Variants in HOOK3 observed in about 807,000 individuals in gnomAD.
HOOK3 encodes the protein protein Hook homolog 3.
A neutral mutation model predicts 116.3 loss-of-function variants in HOOK3; 24 were observed. The observed-to-expected ratio is 0.21, with a 90% confidence interval of 0.15 to 0.29. HOOK3 has a LOEUF of 0.29. Ranked by LOEUF, HOOK3 falls within the 10% of genes least tolerant of loss-of-function variation. HOOK3 has a pLI of 1.00. For synonymous variants in HOOK3, 275 were observed against 283.0 expected, an observed-to-expected ratio of 0.97 and a Z score of 0.28; for missense variants, 632 against 830.2, an observed-to-expected ratio of 0.76 and a Z score of 2.93.
chr8:42,988,251 G>A (rs1809085650), intron 15 of HOOK3, among the ~76,000 whole-genome samples: 2 of 152,160 alleles, frequency 1.3e-5, no homozygotes, highest in Admixed American at 1.3e-4. Flanking sequence ...AGGAGATTGC[G>A]GGAGCAGCTG....
At chr8:42,969,080 A>G (rs762758507) in intron 11 of HOOK3, among the ~76,000 whole-genome samples, 2 of 151,744 alleles carry the variant, frequency 1.3e-5, no homozygotes, top group Non-Finnish European at 2.9e-5. Context: ...AAATTTATCT[A>G]TTTTCCTGTT....
rs953764401 is a variant in HOOK3 at position 42,943,553 on chromosome 8, G to A, written c.400+108G>A. Reference sequence around the variant, plus strand: ...GTACCAACAGTAACATCTGTTTAAGGTCACCCCCAAAGAATGCCATTTTCT... The same window carrying A: ...GTACCAACAGTAACATCTGTTTAAGATCACCCCCAAAGAATGCCATTTTCT... On this transcript the variant is annotated intron_variant, in intron 5 of 21. Coordinates refer to ENST00000307602, the MANE Select transcript of HOOK3 (RefSeq NM_032410.4). 5.8e-6 allele frequency: 4 copies of A among 691,572 alleles called. No individual in the cohort carries two copies. The South Asian group carries it at 1.9e-4, about 34-fold the overall frequency. The allele number at this position is 691,572 out of a possible 1,614,324, so 42.8% of individuals were successfully genotyped here.
chr8:42,911,688 A>G (rs540247381), intron 2 of HOOK3, among the ~76,000 whole-genome samples: 1 of 152,306 alleles, frequency 6.6e-6, no homozygotes, highest in South Asian at 2.1e-4. Context: ...GTGGACTCAA[A>G]ATGGTATATA....
rs1025811302 is a variant in HOOK3, at chr8:43,019,790, T to C, written c.*1292T>C. On this transcript the variant is annotated 3_prime_UTR_variant, in exon 22 of 22. Coordinates refer to ENST00000307602, the MANE Select transcript of HOOK3 (RefSeq NM_032410.4). ...CCTTCTAACTTTCCATATTGACTTA[T>C]GTATTTGGTCCCAAATTATATTTAA... 1 of 205,332 alleles carries C rather than the reference T, an allele frequency of 4.9e-6. No individual in the cohort carries two copies. Among genetic ancestry groups the C allele is most frequent in the Non-Finnish European group, 1.0e-5 (1 of 100,454 alleles). 12.7% of individuals were successfully genotyped at this position (205,332 alleles called of 1,614,324 possible).
At chr8:42,961,236 T>G (rs1353402815) in intron 8 of HOOK3, among the ~76,000 whole-genome samples, 2 of 152,228 alleles carry the variant, frequency 1.3e-5, no homozygotes, top group East Asian at 3.8e-4. Context: ...GGGATAAATA[T>G]CCAAACCATA....
Position 43,019,695 on chromosome 8 carries a change from C to T in HOOK3, c.*1197C>T, listed in dbSNP as rs996166973. On this transcript the variant is annotated 3_prime_UTR_variant, in exon 22 of 22. Coordinates refer to ENST00000307602, the MANE Select transcript of HOOK3 (RefSeq NM_032410.4). The stretch of plus-strand genomic sequence containing the variant: ...ATTGATGAATGGGCTGTTGAATAAT[C>T]ATTGTAAAGCACTTTGTATATATAA... 2.9e-5 allele frequency: 6 copies of T among 204,836 alleles called. No homozygotes were observed. The Admixed American group carries it at 3.0e-4, about 10-fold the overall frequency. 12.7% of individuals were successfully genotyped at this position (204,836 alleles called of 1,614,324 possible).
intron 2 of HOOK3, among the ~76,000 whole-genome samples, chr8:42,920,100 A>G (rs1466949642): frequency 1.3e-5 from 2 of 152,198 alleles, no homozygotes; most frequent in South Asian, 2.1e-4. Flanking sequence ...CTGGCAAATT[A>G]AGGAAATGAT....
At chr8:42,931,305 C>T (rs1181942719) in intron 4 of HOOK3, among the ~76,000 whole-genome samples, 1 of 152,154 alleles carries the variant, frequency 6.6e-6, no homozygotes, top group Non-Finnish European at 1.5e-5. Flanking sequence ...CACCCCTCAG[C>T]CCCATTATTC....
chr8:43,015,277 C>G (rs377275002), intron 21 of HOOK3, among the ~76,000 whole-genome samples: 2 of 152,164 alleles, frequency 1.3e-5, no homozygotes, highest in African/African-American at 4.8e-5. Flanking sequence ...AATCCCAGCA[C>G]TTTGGGAGGC....
In HOOK3 at chr8:42,906,278, C is replaced by T. The variant is rs1465025550; in HGVS notation, c.143+20C>T. The T allele has an allele frequency of 1.3e-6, 2 of 1,482,818 alleles. No homozygotes were observed. Among genetic ancestry groups the T allele is most frequent in the Admixed American group, 3.5e-5 (2 of 57,358 alleles). 91.9% of individuals were successfully genotyped at this position (1,482,818 alleles called of 1,614,324 possible). The stretch of plus-strand genomic sequence containing the variant: ...AAAGATGTAAGAATAAATTGCTTAT[C>T]TTTATGTGTATTCTTATGCATGGAT... On this transcript the variant is annotated intron_variant, in intron 2 of 21. Transcript: ENST00000307602.
chr8:42,992,178 A>G (rs1586625307), intron 15 of HOOK3, among the ~76,000 whole-genome samples: 1 of 150,488 alleles, frequency 6.6e-6, no homozygotes, highest in Non-Finnish European at 1.5e-5. Context: ...AGGCGGGTGG[A>G]TCACGAGGTC....
intron 5 of HOOK3, among the ~76,000 whole-genome samples, chr8:42,949,098 A>G (rs1808290580): frequency 6.6e-6 from 1 of 152,212 alleles, no homozygotes; most frequent in Non-Finnish European, 1.5e-5. Flanking sequence ...TCTTGTCAAA[A>G]GAGTACTTTG....
intron 4 of HOOK3, among the ~76,000 whole-genome samples, chr8:42,932,758 A>G (rs1054001746): frequency 6.6e-6 from 1 of 152,172 alleles, no homozygotes; most frequent in African/African-American, 2.4e-5. Context: ...CATGATTAGG[A>G]GAAAGAGTTG....
chr8:42,961,744 A>G (rs1808537437), intron 8 of HOOK3, among the ~76,000 whole-genome samples: 1 of 152,192 alleles, frequency 6.6e-6, no homozygotes, highest in Non-Finnish European at 1.5e-5. Context: ...GGTTTTTGTT[A>G]TAAGCCCCTT....
At chr8:42,939,426 C>T (rs1300508315) in intron 4 of HOOK3, among the ~76,000 whole-genome samples, 3 of 128,894 alleles carry the variant, frequency 2.3e-5, no homozygotes, top group African/African-American at 9.0e-5. Flanking sequence ...CCGGATGGGG[C>T]AGCTGGCCGG....
chr8:43,008,463 A>G (rs1444991110), intron 18 of HOOK3, among the ~76,000 whole-genome samples: 2 of 151,728 alleles, frequency 1.3e-5, no homozygotes, highest in East Asian at 1.9e-4. Context: ...TGATACAGGC[A>G]TGAGCCACCC....
chr8:43,022,275 A>T lies in HOOK3; in HGVS notation c.*3777A>T, dbSNP rs1809844595. 4.8e-6 allele frequency: 1 copy of T among 207,990 alleles called. No homozygotes were observed. The highest frequency in any genetic ancestry group is 1.9e-4 in the South Asian group (1 of 5,338). The allele number at this position is 207,990 out of a possible 1,614,324, so 12.9% of individuals were successfully genotyped here. Reference sequence around the variant, plus strand: ...GTGATGTTGTCTGGTCTATCTGGAAATTTAAAGTCACTAGGAGCTTTGCCT... The same window carrying T: ...GTGATGTTGTCTGGTCTATCTGGAATTTTAAAGTCACTAGGAGCTTTGCCT... On this transcript the variant is annotated 3_prime_UTR_variant, in exon 22 of 22. Coordinates refer to ENST00000307602, the MANE Select transcript of HOOK3 (RefSeq NM_032410.4).
At chr8:43,014,627 G>C (rs1446676942) in intron 21 of HOOK3, among the ~76,000 whole-genome samples, 2 of 152,004 alleles carry the variant, frequency 1.3e-5, no homozygotes, top group African/African-American at 2.4e-5. Context: ...GGGATTACAG[G>C]CGTGAGCCAC....
intron 2 of HOOK3, among the ~76,000 whole-genome samples, chr8:42,917,450 C>G (rs1437071392): frequency 6.6e-6 from 1 of 152,118 alleles, no homozygotes; most frequent in East Asian, 1.9e-4. Flanking sequence ...TGTGACCAGC[C>G]CCCATCCTAA....
Sources: allele counts gnomAD v4.1 joint callset (sites outside exome capture counted in the v4.1 genomes callset), GRCh38; gene constraint gnomAD v4.1.1; transcripts MANE v1.5; gene names NCBI Gene and HGNC (gene_info 2026-07-23, HGNC 2026-07-21).